Variants in ADAD1 observed in about 807,000 individuals in gnomAD.
ADAD1 encodes adenosine deaminase domain-containing protein 1.
In ADAD1, 46 loss-of-function variants were observed where a neutral mutation model predicts 66.8. The ratio of observed to expected loss-of-function variants is 0.69; its 90% CI spans 0.54 to 0.88. The LOEUF is 0.88. Ranked by LOEUF, ADAD1 falls within the 40% of genes least tolerant of loss-of-function variation. The pLI is 0.00. For synonymous variants in ADAD1, 248 were observed against 229.4 expected (o/e 1.08, Z -0.73); for missense variants, 617 against 681.8 (o/e 0.91, Z 1.06).
intron 11 of ADAD1, among the ~76,000 whole-genome samples, chr4:122,420,641 TTATC>T (rs944974208): frequency 3.9e-5 from 6 of 152,224 alleles, no homozygotes; most frequent in Admixed American, 6.5e-5. Context: ...ACTGTTTTTG[TTATC>T]TATCCTAAGA....
chr4:122,407,794 A>G (rs1796284463), intron 7 of ADAD1, 114 bp from the exon 8 acceptor site: 4 of 1,171,802 alleles, frequency 3.4e-6, no homozygotes, highest in Non-Finnish European at 4.6e-6. Flanking sequence ...TTATTTTTTC[A>G]TCTTTTCAGT....
At chr4:122,427,004 G>T (rs1236280622) in intron 12 of ADAD1, among the ~76,000 whole-genome samples, 2 of 152,062 alleles carry the variant, frequency 1.3e-5, no homozygotes, top group Non-Finnish European at 1.5e-5. Flanking sequence ...AGCACGGAAA[G>T]AAAAAGAGAT....
intron 5 of ADAD1, among the ~76,000 whole-genome samples, chr4:122,388,585 G>C (rs1182712087): frequency 6.6e-6 from 1 of 152,076 alleles, no homozygotes; most frequent in Non-Finnish European, 1.5e-5. Context: ...CTTCTTCCTC[G>C]TTTAGTCTTG....
In ADAD1 at chr4:122,396,557, C is replaced by A. The variant is rs188726704; in HGVS notation, c.724+180C>A. Among the ~76,000 whole-genome samples the A allele has an allele frequency of 4.6e-5, 7 of 152,290 alleles. No individual in the cohort carries two copies. The East Asian group carries it at 1.4e-3, about 29-fold the overall frequency. Reference sequence around the variant, plus strand: ...TAGAGATAAAGCACACTGACCAGGACCCAACAGAGAACTGCAAAATGGTGA... The same window carrying A: ...TAGAGATAAAGCACACTGACCAGGAACCAACAGAGAACTGCAAAATGGTGA... On this transcript the variant is annotated intron_variant, in intron 7 of 12. Transcript: ENST00000296513.
intron 12 of ADAD1, among the ~76,000 whole-genome samples, chr4:122,422,683 T>C (rs1183009278): frequency 6.6e-6 from 1 of 151,860 alleles, no homozygotes; most frequent in East Asian, 1.9e-4. Flanking sequence ...AAGTTGTAAA[T>C]CACTATAAAA....
At chr4:122,423,612 G>C (rs1560608362) in intron 12 of ADAD1, among the ~76,000 whole-genome samples, 1 of 151,906 alleles carries the variant, frequency 6.6e-6, no homozygotes, top group African/African-American at 2.4e-5. Flanking sequence ...ATTTGAAAAA[G>C]AAAAAAAGTT....
chr4:122,394,099 T>C (rs1795584632), intron 6 of ADAD1, among the ~76,000 whole-genome samples: 1 of 152,218 alleles, frequency 6.6e-6, no homozygotes, highest in Admixed American at 6.5e-5. Context: ...CTAGGACCAG[T>C]TACTTCTCTG....
chr4:122,416,686 C>T (rs1236175083), intron 11 of ADAD1, among the ~76,000 whole-genome samples: 4 of 151,380 alleles, frequency 2.6e-5, no homozygotes. Context: ...TGAGCTATGA[C>T]TGTATCACTG....
At chr4:122,395,062 T>G (rs552148600) in intron 6 of ADAD1, among the ~76,000 whole-genome samples, 1 of 152,170 alleles carries the variant, frequency 6.6e-6, no homozygotes, top group East Asian at 1.9e-4. Flanking sequence ...ATTTATTTAT[T>G]TATTTGAGGT....
chr4:122,410,621 T>G (rs1168621965), intron 8 of ADAD1, among the ~76,000 whole-genome samples: 1 of 152,178 alleles, frequency 6.6e-6, no homozygotes, highest in African/African-American at 2.4e-5. Context: ...TCCTCAATCG[T>G]TTTTCATTTC....
At chr4:122,420,750 C>G (rs1270773450) in intron 11 of ADAD1, among the ~76,000 whole-genome samples, 1 of 152,202 alleles carries the variant, frequency 6.6e-6, no homozygotes, top group Non-Finnish European at 1.5e-5. Flanking sequence ...CCAAATTACA[C>G]ATCTACATGC....
rs564045534 is a variant in ADAD1, at chr4:122,383,719, A to G, written c.362-80A>G. 45 of 1,406,784 alleles carry G rather than the reference A, an allele frequency of 3.2e-5. No homozygotes were observed. The East Asian group carries it at 1.1e-3, about 34-fold the overall frequency. 87.1% of individuals were successfully genotyped at this position (1,406,784 alleles called of 1,614,324 possible). The stretch of plus-strand genomic sequence containing the variant: ...TAGTTTTTGAGAATTTTTGTACTGG[A>G]ATGTTTTCCTATGTACATACATTGT... On this transcript the variant is annotated intron_variant, in intron 4 of 12. Coordinates refer to ENST00000296513, the MANE Select transcript of ADAD1 (RefSeq NM_139243.4).
intron 5 of ADAD1, among the ~76,000 whole-genome samples, chr4:122,392,674 A>G (rs1398447410): frequency 1.3e-5 from 2 of 152,164 alleles, no homozygotes; most frequent in African/African-American, 4.8e-5. Context: ...TAACAAACCT[A>G]CACATGTACC....
At chr4:122,421,873 T>C (rs182882633) in intron 12 of ADAD1, among the ~76,000 whole-genome samples, 6 of 152,184 alleles carry the variant, frequency 3.9e-5, no homozygotes, top group African/African-American at 1.2e-4. Context: ...AAATATATTT[T>C]ACATAAACAT....
intron 12 of ADAD1, among the ~76,000 whole-genome samples, chr4:122,424,323 A>C (rs1797136222): frequency 6.6e-6 from 1 of 152,170 alleles, no homozygotes; most frequent in Admixed American, 6.5e-5. Flanking sequence ...CATGAGACCT[A>C]TGAGTATGTG....
At chr4:122,423,321 G>T (rs969822280) in intron 12 of ADAD1, among the ~76,000 whole-genome samples, 1 of 152,214 alleles carries the variant, frequency 6.6e-6, no homozygotes, top group African/African-American at 2.4e-5. Flanking sequence ...AGGCCAACTA[G>T]CAAGTTAACA....
At chr4:122,422,525 A>C (rs1797048976) in intron 12 of ADAD1, among the ~76,000 whole-genome samples, 2 of 152,190 alleles carry the variant, frequency 1.3e-5, no homozygotes, top group Admixed American at 1.3e-4. Flanking sequence ...AAAGTCTTTT[A>C]ATTTTACCAA....
At chr4:122,420,167 A>G (rs1489363059) in intron 11 of ADAD1, among the ~76,000 whole-genome samples, 1 of 152,258 alleles carries the variant, frequency 6.6e-6, no homozygotes. Context: ...TGGAAAATTA[A>G]TATGTAGAAA....
chr4:122,410,997 G>A (rs1285557904), intron 8 of ADAD1, among the ~76,000 whole-genome samples: 2 of 152,146 alleles, frequency 1.3e-5, no homozygotes, highest in African/African-American at 2.4e-5. Flanking sequence ...AGTAGAGAAA[G>A]GATGGTGTTT....
Sources: gnomAD v4.1 joint callset for allele counts (sites outside exome capture counted in the v4.1 genomes callset) on GRCh38, gnomAD v4.1.1 for gene constraint, MANE v1.5 for transcripts, NCBI Gene and HGNC (gene_info 2026-07-23, HGNC 2026-07-21) for gene names.